The following TNFAIP1 variants were observed in gnomAD, a reference collection of about 807,000 sequenced individuals.
TNFAIP1 encodes the protein TNF alpha induced protein 1, also known as BTB/POZ domain-containing adapter for CUL3-mediated RhoA degradation protein 2.
A neutral mutation model predicts 32.6 loss-of-function variants in TNFAIP1; 20 were observed. The observed-to-expected ratio is 0.61, with a 90% CI of 0.43 to 0.89. The LOEUF is 0.89. Ranked by LOEUF, TNFAIP1 falls within the 40% of genes least tolerant of loss-of-function variation. TNFAIP1 has a pLI of 0.00. For missense variants in TNFAIP1, 319 were observed against 425.1 expected (o/e 0.75, Z 2.20); for synonymous variants, 166 against 166.8 (o/e 1.00, Z 0.04).
intron 6 of TNFAIP1, among the ~76,000 whole-genome samples, chr17:28,343,310 A>G (rs1418970566): frequency 6.6e-6 from 1 of 152,004 alleles, no homozygotes; most frequent in African/African-American, 2.4e-5. Context: ...GTTACCCCAG[A>G]GAGTAGCTGC....
chr17:28,341,562 G>A, intron 5 of TNFAIP1, 106 bp downstream of exon 5: 2 of 1,299,392 alleles, frequency 1.5e-6, no homozygotes. Flanking sequence ...TCTTGGAACT[G>A]GCTGTGCCAA....
In TNFAIP1 at chr17:28,344,357, A is replaced by C. The variant is rs781813664; in HGVS notation, c.715-7A>C. 4 of 1,609,888 alleles carry C rather than the reference A, an allele frequency of 2.5e-6. No homozygotes were observed. Among genetic ancestry groups the C allele is most frequent in the Non-Finnish European group, 3.4e-6 (4 of 1,177,356 alleles). On this transcript the variant is annotated splice_polypyrimidine_tract_variant and splice_region_variant and intron_variant, in intron 6 of 6. Transcript: ENST00000226225. Reference sequence around the variant, plus strand: ...CCTTGCTCCACCTTCTTCCTCCCTAACCCCAGGTGGAATTCCCAGAGGCCC... The same window carrying C: ...CCTTGCTCCACCTTCTTCCTCCCTACCCCCAGGTGGAATTCCCAGAGGCCC...
chr17:28,339,872 T>G, intron 2 of TNFAIP1, 146 bp downstream of exon 2: 2 of 757,708 alleles, frequency 2.6e-6, no homozygotes, highest in Non-Finnish European at 4.1e-6. Context: ...CAGAATTCTG[T>G]GAAATTGTAT....
chr17:28,339,678 C>T lies in TNFAIP1; in HGVS notation c.157C>T (p.Leu53Phe). 1 of 1,614,134 alleles carries T rather than the reference C, an allele frequency of 6.2e-7. No individual in the cohort carries two copies. The highest frequency in any genetic ancestry group is 8.5e-7 in the Non-Finnish European group (1 of 1,180,038). ...GGCCCTGACCCGCCACGACACCATG[C>T]TCAAGGCCATGTTCAGTGGGCGCAT... The part of the protein sequence containing the change: ...VRALTRHDTM[L>F]KAMFSGRMEV... Residue 53 changes from leucine to phenylalanine, a missense_variant, in exon 2 of 7, where the codon CTC becomes TTC. Transcript: ENST00000226225.
At chr17:28,337,619 C>A (rs1385759568) in intron 1 of TNFAIP1, among the ~76,000 whole-genome samples, 1 of 152,114 alleles carries the variant, frequency 6.6e-6, no homozygotes, top group Non-Finnish European at 1.5e-5. Flanking sequence ...CCACCCACTT[C>A]GGCCTCCTAA....
intron 1 of TNFAIP1, among the ~76,000 whole-genome samples, chr17:28,338,108 G>C (rs1213861015): frequency 1.3e-4 from 20 of 152,174 alleles, no homozygotes; most frequent in African/African-American, 4.8e-4. Flanking sequence ...GCACTCAGTA[G>C]TTTAATTGCT....
At position 28,340,190 on chromosome 17, in the gene TNFAIP1, G is replaced by A. The variant is rs1907313727; in HGVS notation, c.206-119G>A. 5 of 1,034,242 alleles carry A rather than the reference G, an allele frequency of 4.8e-6. No individual in the cohort carries two copies. Among genetic ancestry groups the A allele is most frequent in the Non-Finnish European group, 5.8e-6 (4 of 686,878 alleles). The allele number at this position is 1,034,242 out of a possible 1,614,324, so 64.1% of individuals were successfully genotyped here. A position where few individuals can be genotyped will look rare whatever the true frequency, so the allele number is the denominator to read the frequency against. ...TCCCCGCCTCTGTCACCCTGCGTAA[G>A]GGCTTTGTGCTCGTGGACCCCCTTC... is the stretch of plus-strand genomic sequence containing the variant. On this transcript the variant is annotated intron_variant, in intron 2 of 6. Transcript: ENST00000226225. The surrounding 1 kb of genome is among the most constrained non-coding windows in gnomAD (Gnocchi z 4.1).
chr17:28,340,550 T>C lies in TNFAIP1; in HGVS notation c.375+72T>C. On this transcript the variant is annotated intron_variant, in intron 3 of 6. Coordinates refer to ENST00000226225, the MANE Select transcript of TNFAIP1 (RefSeq NM_021137.5). The surrounding 1 kb of genome is among the most constrained non-coding windows in gnomAD (Gnocchi z 4.1). ...GCCCCCTTCTTGTGGGATGGAGGACTCTGGTTCCTGGCAGGTTGTGTGGGA... is the reference window on the plus strand; with the variant it reads ...GCCCCCTTCTTGTGGGATGGAGGACCCTGGTTCCTGGCAGGTTGTGTGGGA... The C allele has an allele frequency of 6.4e-7, 1 of 1,555,814 alleles. No individual in the cohort carries two copies. Among genetic ancestry groups the C allele is most frequent in the Non-Finnish European group, 8.8e-7 (1 of 1,139,048 alleles).
chr17:28,339,598 G>A lies in TNFAIP1; in HGVS notation c.77G>A (p.Gly26Asp), dbSNP rs1555577828. 6.2e-7 allele frequency: 1 copy of A among 1,613,890 alleles called. No individual in the cohort carries two copies. Among genetic ancestry groups the A allele is most frequent in the Admixed American group, 1.7e-5 (1 of 60,000 alleles). Residue 26 changes from glycine to aspartate, a missense_variant, in exon 2 of 7, where the codon GGC becomes GAC. Transcript: ENST00000226225. ...KLSGFKGGGL[G>D]NKYVQLNVGG... The stretch of plus-strand genomic sequence containing the variant: ...AGTGGCTTCAAGGGAGGAGGGTTGG[G>A]CAACAAGTATGTCCAGCTCAACGTG...
intron 5 of TNFAIP1, among the ~76,000 whole-genome samples, chr17:28,341,791 TCA>T (rs1435863711): frequency 6.6e-6 from 1 of 152,108 alleles, no homozygotes; most frequent in African/African-American, 2.4e-5. Flanking sequence ...CCTGTGCAGT[TCA>T]CACTGGGCCG....
chr17:28,339,533 C>A lies in TNFAIP1; in HGVS notation c.12C>A (p.Asp4Glu). 6.2e-7 allele frequency: 1 copy of A among 1,603,374 alleles called. No homozygotes were observed. Among genetic ancestry groups the A allele is most frequent in the Non-Finnish European group, 8.5e-7 (1 of 1,173,854 alleles). The change falls in exon 2 of 7, where the codon GAC becomes GAA. Residue 4 changes from aspartate to glutamate, a missense_variant. Asp to Glu is a conservative substitution (Grantham distance 45). Transcript: ENST00000226225. ...ACCTGCAGCGGGAGATGTCGGGGGA[C>A]ACCTGCCTGTGCCCAGCCTCAGGGG... Reference protein sequence around the residue: MSGDTCLCPASGAK... With the variant: MSGETCLCPASGAK...
At chr17:28,339,770 A>T in intron 2 of TNFAIP1, 44 bp downstream of exon 2, 1 of 1,589,850 alleles carries the variant, frequency 6.3e-7, no homozygotes, top group Non-Finnish European at 8.6e-7. Context: ...GGGCAGGAGG[A>T]GTTCCCAAGG....
chr17:28,341,649 A>C (rs1331088360), intron 5 of TNFAIP1, among the ~76,000 whole-genome samples, 193 bp downstream of exon 5: 1 of 152,266 alleles, frequency 6.6e-6, no homozygotes, highest in Non-Finnish European at 1.5e-5. Flanking sequence ...TGGCTGGGAT[A>C]TAAATGATTG....
intron 5 of TNFAIP1, among the ~76,000 whole-genome samples, chr17:28,341,975 C>G (rs1429846368): frequency 6.6e-6 from 1 of 152,202 alleles, no homozygotes; most frequent in African/African-American, 2.4e-5. Context: ...GACATAGCAG[C>G]CTTGTCTCCT....
rs1907475617 is a variant in TNFAIP1 at position 28,344,513 on chromosome 17, G to A, written c.864G>A (p.Leu288=). ...SPSEDEETFE[L]RDRVRRIHVK... ...GTGAAGATGAGGAGACCTTTGAACT[G>A]CGGGACCGTGTCCGCCGCATCCACG... The change falls in exon 7 of 7, where the codon CTG becomes CTA. Residue 288 remains leucine, a synonymous_variant. Coordinates refer to ENST00000226225, the MANE Select transcript of TNFAIP1 (RefSeq NM_021137.5). 6.2e-7 allele frequency: 1 copy of A among 1,613,830 alleles called. No individual in the cohort carries two copies.
At chr17:28,336,577 C>A (rs1907169260) in intron 1 of TNFAIP1, 1 of 152,232 alleles carries the variant, frequency 6.6e-6, no homozygotes, top group Non-Finnish European at 1.5e-5. Context: ...TTTCTCTGAT[C>A]CTGGGAAAAC....
Position 28,344,593 on chromosome 17 carries a change from G to A in TNFAIP1, c.944G>A (p.Arg315His), listed in dbSNP as rs376548251. 1.1e-5 allele frequency: 18 copies of A among 1,612,268 alleles called. No individual in the cohort carries two copies. The highest frequency in any genetic ancestry group is 4.4e-5 in the South Asian group (4 of 91,088). Reference sequence around the variant, plus strand: ...CAGCTCGGCCACCAGTCTACCCATCGCGACTGACCAGACCCTCAGGGAGTC... The same window carrying A: ...CAGCTCGGCCACCAGTCTACCCATCACGACTGACCAGACCCTCAGGGAGTC... ...DRQLGHQSTH[R>H]D Residue 315 changes from arginine to histidine, a missense_variant, in exon 7 of 7, where the codon CGC (arginine) becomes CAC (histidine). Coordinates refer to ENST00000226225, the MANE Select transcript of TNFAIP1 (RefSeq NM_021137.5).
rs1555578324 is a variant in TNFAIP1, at chr17:28,342,451, G to GA, written c.714+10dup. 2 of 1,574,488 alleles carry GA rather than the reference G, an allele frequency of 1.3e-6. No homozygotes were observed. Among genetic ancestry groups the GA allele is most frequent in the Non-Finnish European group, 1.7e-6 (2 of 1,148,328 alleles). On this transcript the variant is annotated intron_variant, in intron 6 of 6. Coordinates refer to ENST00000226225, the MANE Select transcript of TNFAIP1 (RefSeq NM_021137.5). The surrounding 1 kb of genome is among the most constrained non-coding windows in gnomAD (Gnocchi z 4.0). ...AGAAGAAGCAGACCAAGGTGTGGGG[G>GA]ATTGCCCCTGCCTGGGTAGGGGAGG...
chr17:28,341,463 T>C lies in TNFAIP1; in HGVS notation c.518+7T>C. The C allele has an allele frequency of 1.2e-6, 2 of 1,613,856 alleles. No individual in the cohort carries two copies. Among genetic ancestry groups the C allele is most frequent in the South Asian group, 2.2e-5 (2 of 91,074 alleles). On this transcript the variant is annotated splice_region_variant and intron_variant, in intron 5 of 6. Coordinates refer to ENST00000226225, the MANE Select transcript of TNFAIP1 (RefSeq NM_021137.5). ...ACAAGTATTCCTACACCAGGTAGGG[T>C]GCGTCACAGGGCTCAACAGACACTG...
Sources: gnomAD v4.1 joint callset for allele counts (sites outside exome capture counted in the v4.1 genomes callset) on GRCh38, gnomAD v4.1.1 for gene constraint, Gnocchi (gnomAD v3.1) non-coding constraint, MANE v1.5 for transcripts, NCBI Gene and HGNC (gene_info 2026-07-23, HGNC 2026-07-21) for gene names.